The following DTL variants were observed in gnomAD, a reference collection of about 807,000 sequenced individuals.
DTL encodes denticleless E3 ubiquitin protein ligase adapter.
In DTL, 46 loss-of-function variants were observed where a neutral mutation model predicts 87.0. That is an observed-to-expected ratio of 0.53 (90% confidence interval 0.42 to 0.68). DTL has a LOEUF of 0.68. DTL is among the 30% of genes least tolerant of loss of function. The pLI is 0.00. For synonymous variants in DTL, 308 were observed against 311.2 expected (o/e 0.99, Z 0.11); for missense variants, 737 against 869.4 (o/e 0.85, Z 1.91).
At chr1:212,098,937 G>A (rs2102587189) in intron 13 of DTL, among the ~76,000 whole-genome samples, 1 of 152,142 alleles carries the variant, frequency 6.6e-6, no homozygotes, top group South Asian at 2.1e-4. Flanking sequence ...TTCTGCCCAG[G>A]AAAATTCACG....
At chr1:212,041,459 T>C (rs1373163995) in intron 1 of DTL, among the ~76,000 whole-genome samples, 2 of 147,534 alleles carry the variant, frequency 1.4e-5, no homozygotes, top group Non-Finnish European at 3.0e-5. Context: ...TACACACTTA[T>C]TCCGTAGGTT....
intron 10 of DTL, among the ~76,000 whole-genome samples, chr1:212,070,807 A>G (rs1469823016): frequency 1.3e-5 from 2 of 152,188 alleles, no homozygotes; most frequent in Non-Finnish European, 2.9e-5. Context: ...AGCAAGATTA[A>G]ATTGAGCTCA....
chr1:212,051,149 G>A (rs571267504), intron 5 of DTL, among the ~76,000 whole-genome samples: 1 of 151,830 alleles, frequency 6.6e-6, no homozygotes, highest in East Asian at 1.9e-4. Flanking sequence ...GTTTTGTTTT[G>A]TTTTTCATCC....
chr1:212,068,675 T>C lies in DTL; in HGVS notation c.894T>C (p.Phe298=), dbSNP rs1654583284. Reference sequence around the variant, plus strand: ...GCACAGACGATAACATCTACATGTTTAATATGACTGGGTTGAAGACTTCTC... The same window carrying C: ...GCACAGACGATAACATCTACATGTTCAATATGACTGGGTTGAAGACTTCTC... ...ANCTDDNIYM[F]NMTGLKTSPV... The change falls in exon 10 of 15, where the codon TTT becomes TTC. Residue 298 remains phenylalanine (F), a synonymous_variant. Coordinates refer to ENST00000366991, the MANE Select transcript of DTL (RefSeq NM_016448.4). 5 of 1,611,752 alleles carry C rather than the reference T, an allele frequency of 3.1e-6. No individual in the cohort carries two copies. In the Admixed American group the frequency reaches 8.3e-5, roughly 27 times the overall value.
chr1:212,044,602 GAAA>G (rs373465088), intron 2 of DTL, 55 bp from the exon 3 acceptor site: 450 of 885,168 alleles, frequency 5.1e-4, no homozygotes, highest in South Asian at 7.3e-4. Flanking sequence ...GACTCCGTCT[GAAA>G]AAAAAAAAAA....
rs1464443010 is a variant in DTL, at chr1:212,078,976, G to A, written c.1125+714G>A. 9.9e-5 allele frequency among the ~76,000 whole-genome samples: 15 copies of A among 152,136 alleles called. No homozygotes were observed. The East Asian group carries it at 2.7e-3, about 27-fold the overall frequency. On this transcript the variant is annotated intron_variant, in intron 12 of 14. Coordinates refer to ENST00000366991, the MANE Select transcript of DTL (RefSeq NM_016448.4). The stretch of plus-strand genomic sequence containing the variant: ...TACAGGAAATCTTATTTCTGTGGAG[G>A]TCTCCCCTTTCACGTATGACGTTTT...
intron 5 of DTL, among the ~76,000 whole-genome samples, chr1:212,060,141 A>G (rs1052890325): frequency 1.3e-5 from 2 of 152,190 alleles, no homozygotes; most frequent in African/African-American, 4.8e-5. Flanking sequence ...CAAAATACCA[A>G]CATCATTTTT....
chr1:212,078,023 TTG>T (rs1258232729), intron 11 of DTL, 148 bp from the exon 12 acceptor site: 31 of 383,824 alleles, frequency 8.1e-5, no homozygotes, highest in African/African-American at 1.1e-4. Context: ...TGGAAATCTG[TTG>T]TTTTTTTTTT....
At chr1:212,090,934 C>T (rs1655263394) in intron 13 of DTL, among the ~76,000 whole-genome samples, 1 of 152,204 alleles carries the variant, frequency 6.6e-6, no homozygotes, top group South Asian at 2.1e-4. Context: ...CTGTGCATTC[C>T]TGTTTGAGAG....
chr1:212,045,529 T>A (rs17018401), intron 3 of DTL, among the ~76,000 whole-genome samples: 1 of 152,120 alleles, frequency 6.6e-6, no homozygotes, highest in African/African-American at 2.4e-5. Flanking sequence ...AACCCATAAG[T>A]CAAGTGTTGA....
chr1:212,067,918 C>A (rs1439151550), intron 8 of DTL, among the ~76,000 whole-genome samples: 1 of 152,128 alleles, frequency 6.6e-6, no homozygotes, highest in Non-Finnish European at 1.5e-5. Context: ...AGTGTATTTT[C>A]TAAAAACAAT....
chr1:212,043,061 AC>A lies in DTL; in HGVS notation c.122del (p.Thr41IlefsTer27). On this transcript the variant is annotated frameshift_variant, in exon 2 of 15. Transcript: ENST00000366991. LOFTEE classifies it high-confidence loss of function. ...TCAGTGCAGTGGTAATGATGAACAC[AC>A]TTCTTATGGAGAAACAGGAGTCCCA... ...GYQCSGNDEH[T>X]SYGETGVPVP... 1 of 1,613,412 alleles carries A rather than the reference AC, an allele frequency of 6.2e-7. No individual in the cohort carries two copies. The highest frequency in any genetic ancestry group is 8.5e-7 in the Non-Finnish European group (1 of 1,179,636).
chr1:212,055,923 A>T (rs1161353498), intron 5 of DTL, among the ~76,000 whole-genome samples: 1 of 152,148 alleles, frequency 6.6e-6, no homozygotes, highest in Non-Finnish European at 1.5e-5. Flanking sequence ...CTAGAGTCTA[A>T]ACTTGGGCCT....
chr1:212,049,172 A>G (rs958966061), intron 5 of DTL, among the ~76,000 whole-genome samples: 5 of 152,028 alleles, frequency 3.3e-5, no homozygotes, highest in Admixed American at 6.6e-5. Context: ...ATCTGCCCGC[A>G]TTGGCTTCCC....
chr1:212,038,594 C>A (rs774351056), intron 1 of DTL, among the ~76,000 whole-genome samples: 7 of 152,198 alleles, frequency 4.6e-5, no homozygotes, highest in Non-Finnish European at 8.8e-5. Context: ...TTACTGTATG[C>A]TGGATGTGTT....
At chr1:212,074,083 G>A (rs1654759686) in intron 11 of DTL, among the ~76,000 whole-genome samples, 1 of 151,528 alleles carries the variant, frequency 6.6e-6, no homozygotes, top group South Asian at 2.1e-4. Context: ...ATCACAAAAA[G>A]CATATAAGAA....
intron 7 of DTL, among the ~76,000 whole-genome samples, chr1:212,065,694 C>T (rs540669384): frequency 2.0e-4 from 30 of 152,148 alleles, no homozygotes; most frequent in Non-Finnish European, 3.5e-4. Context: ...TTTCGTAATA[C>T]AAACTACAGA....
chr1:212,092,365 C>G (rs1412880789), intron 13 of DTL, among the ~76,000 whole-genome samples: 1 of 152,094 alleles, frequency 6.6e-6, no homozygotes, highest in African/African-American at 2.4e-5. Flanking sequence ...TAAAACCCCC[C>G]TCTACTAAAA....
intron 11 of DTL, among the ~76,000 whole-genome samples, chr1:212,077,308 A>T (rs1394573056): frequency 6.6e-6 from 1 of 152,174 alleles, no homozygotes; most frequent in African/African-American, 2.4e-5. Flanking sequence ...CAGCTGTATG[A>T]TGCTGTCAAA....
Sources: gnomAD v4.1 joint callset for allele counts (sites outside exome capture counted in the v4.1 genomes callset) on GRCh38, gnomAD v4.1.1 for gene constraint, MANE v1.5 for transcripts, NCBI Gene and HGNC (gene_info 2026-07-23, HGNC 2026-07-21) for gene names.